The following COX10 variants were observed in gnomAD, a reference collection of about 807,000 sequenced individuals.
COX10 encodes protoheme IX farnesyltransferase, mitochondrial.
A neutral mutation model predicts 37.3 loss-of-function variants in COX10; 27 were observed. That is an observed-to-expected ratio of 0.72 (90% CI 0.53 to 1.00). The LOEUF is 1.00. Ranked by LOEUF, COX10 falls within the 50% of genes least tolerant of loss-of-function variation. The pLI, the probability that COX10 is intolerant of heterozygous loss-of-function variation, is 0.00. For synonymous variants in COX10, 222 were observed against 229.1 expected (o/e 0.97, Z 0.28); for missense variants, 475 against 563.2 (o/e 0.84, Z 1.59).
chr17:14,169,532 T>TG (rs1228741947), intron 5 of COX10, among the ~76,000 whole-genome samples: 1 of 152,200 alleles, frequency 6.6e-6, no homozygotes, highest in African/African-American at 2.4e-5. Flanking sequence ...TGTAAAGAAC[T>TG]ACCTAAGACT....
At chr17:14,126,616 C>T (rs893275738) in intron 4 of COX10, among the ~76,000 whole-genome samples, 1 of 152,044 alleles carries the variant, frequency 6.6e-6, no homozygotes, top group Admixed American at 6.6e-5. Context: ...TGACAGTGGT[C>T]ACAGTTTTGT....
intron 3 of COX10, among the ~76,000 whole-genome samples, chr17:14,092,128 T>G (rs578137488): frequency 6.6e-6 from 1 of 152,258 alleles, no homozygotes; most frequent in East Asian, 1.9e-4. Context: ...AAAGCGATAA[T>G]TGAAAGAACA....
Position 14,171,376 on chromosome 17 carries a change from A to G in COX10, c.695+11429A>G, listed in dbSNP as rs369854827. 8.5e-5 allele frequency among the ~76,000 whole-genome samples: 13 copies of G among 152,312 alleles called. No individual in the cohort carries two copies. The East Asian group carries it at 1.9e-3, about 23-fold the overall frequency. ...CAACAAATGTGTTTTTTTAGTGCAC[A>G]TGCCAGCCAGGCATGGTGCTCGACC... On this transcript the variant is annotated intron_variant, in intron 5 of 6. Transcript: ENST00000261643.
At chr17:14,187,734 C>G (rs12325683) in intron 5 of COX10, among the ~76,000 whole-genome samples, 100 of 152,190 alleles carry the variant, frequency 6.6e-4, no homozygotes, top group African/African-American at 2.4e-3. Context: ...GCCCATAACA[C>G]AAGAAAGCTC....
rs1245460634 is a variant in COX10, at chr17:14,203,367, G to C, written c.929-3443G>C. Reference sequence around the variant, plus strand: ...CCTCCCATACTGGAAGACTGAAAAGGGGTTGACTGACTTATGGAAGCCACA... The same window carrying C: ...CCTCCCATACTGGAAGACTGAAAAGCGGTTGACTGACTTATGGAAGCCACA... On this transcript the variant is annotated intron_variant, in intron 6 of 6. Transcript: ENST00000261643. Among the ~76,000 whole-genome samples the C allele has an allele frequency of 2.6e-5, 4 of 152,088 alleles. No individual in the cohort carries two copies. In the East Asian group the frequency reaches 5.8e-4, roughly 22 times the overall value.
chr17:14,198,802 C>G (rs1354026844), intron 6 of COX10, among the ~76,000 whole-genome samples: 2 of 152,122 alleles, frequency 1.3e-5, no homozygotes, highest in Non-Finnish European at 2.9e-5. Context: ...TACTAAGTAC[C>G]AGGTACTGTT....
At chr17:14,169,860 T>C (rs902312887) in intron 5 of COX10, among the ~76,000 whole-genome samples, 9 of 152,158 alleles carry the variant, frequency 5.9e-5, no homozygotes, top group African/African-American at 2.2e-4. Context: ...TAGGGTCTAG[T>C]GGGAGGTGTT....
In COX10 at chr17:14,189,056, T is replaced by G. The variant is rs1597543755; in HGVS notation, c.696-2933T>G. On this transcript the variant is annotated intron_variant, in intron 5 of 6. Transcript: ENST00000261643. The stretch of plus-strand genomic sequence containing the variant: ...TGTAGTGGTAAAGCCATGTTTCACC[T>G]CCTGTTATATATTCATTTTCTTCTT... Among the ~76,000 whole-genome samples the G allele has an allele frequency of 3.4e-5, 5 of 145,592 alleles. No individual in the cohort carries two copies. The Admixed American group carries it at 3.6e-4, about 10-fold the overall frequency.
intron 1 of COX10, among the ~76,000 whole-genome samples, chr17:14,071,530 G>A (rs1291895401): frequency 1.1e-4 from 17 of 152,060 alleles, no homozygotes; most frequent in Admixed American, 1.0e-3. Context: ...GTTAGTGATC[G>A]AGTAGTATCA....
chr17:14,189,212 G>A (rs1906128356), intron 5 of COX10, among the ~76,000 whole-genome samples: 1 of 151,076 alleles, frequency 6.6e-6, no homozygotes, highest in South Asian at 2.1e-4. Flanking sequence ...TGGAAAGTTA[G>A]CTCAACTTTA....
intron 3 of COX10, among the ~76,000 whole-genome samples, chr17:14,090,003 T>C (rs1011943332): frequency 2.6e-5 from 4 of 152,176 alleles, no homozygotes; most frequent in African/African-American, 9.6e-5. Flanking sequence ...ACCTAGTCTA[T>C]CTGAATTCTT....
intron 6 of COX10, among the ~76,000 whole-genome samples, chr17:14,194,219 C>A (rs1442488345): frequency 6.6e-6 from 1 of 151,992 alleles, no homozygotes; most frequent in Non-Finnish European, 1.5e-5. Flanking sequence ...GGCCCAGGTT[C>A]TTGCTGAGGG....
chr17:14,087,010 T>C (rs1220671906), intron 3 of COX10, among the ~76,000 whole-genome samples: 1 of 152,242 alleles, frequency 6.6e-6, no homozygotes, highest in African/African-American at 2.4e-5. Flanking sequence ...TTTTGTTTCT[T>C]GTACTACTTT....
chr17:14,084,084 G>A (rs911799739), intron 3 of COX10, among the ~76,000 whole-genome samples: 8 of 152,056 alleles, frequency 5.3e-5, no homozygotes, highest in Non-Finnish European at 1.2e-4. Context: ...TTTATTAAAA[G>A]AAAAAAGCAG....
At chr17:14,110,688 G>A (rs940321520) in intron 4 of COX10, among the ~76,000 whole-genome samples, 2 of 151,656 alleles carry the variant, frequency 1.3e-5, no homozygotes, top group African/African-American at 4.8e-5. Flanking sequence ...AATCCCATTA[G>A]CCTCCTAGTT....
chr17:14,085,850 A>T (rs1358857100), intron 3 of COX10, among the ~76,000 whole-genome samples: 1 of 152,220 alleles, frequency 6.6e-6, no homozygotes, highest in Admixed American at 6.5e-5. Flanking sequence ...CCATATCTTC[A>T]CCAATGAATG....
rs1488186898 is a variant in COX10 at position 14,069,515 on chromosome 17, A to C, written c.-91A>C. 6.0e-6 allele frequency: 9 copies of C among 1,506,464 alleles called. No homozygotes were observed. Among genetic ancestry groups the C allele is most frequent in the Non-Finnish European group, 8.2e-6 (9 of 1,091,304 alleles). 93.3% of individuals were successfully genotyped at this position (1,506,464 alleles called of 1,614,324 possible). A position where few individuals can be genotyped will look rare whatever the true frequency, so the allele number is the denominator to read the frequency against. On this transcript the variant is annotated 5_prime_UTR_variant, in exon 1 of 7. Coordinates refer to ENST00000261643, the MANE Select transcript of COX10 (RefSeq NM_001303.4). ...AGTGGCGGCCCGGAACTACTCCCAC[A>C]GGGGGGCGGGGAAGGAAGATGGCGG...
At chr17:14,188,898 A>C (rs1036659727) in intron 5 of COX10, among the ~76,000 whole-genome samples, 7 of 145,516 alleles carry the variant, frequency 4.8e-5, no homozygotes, top group African/African-American at 1.8e-4. Flanking sequence ...CTGGAAAGGA[A>C]TCAAGCAAAA....
At chr17:14,110,650 GCCATT>G (rs1163114569) in intron 4 of COX10, among the ~76,000 whole-genome samples, 1 of 151,692 alleles carries the variant, frequency 6.6e-6, no homozygotes, top group African/African-American at 2.4e-5. Context: ...GTTATATTTT[GCCATT>G]CCTGATGGTT....
Sources: gnomAD v4.1 joint callset for allele counts (sites outside exome capture counted in the v4.1 genomes callset) on GRCh38, gnomAD v4.1.1 for gene constraint, MANE v1.5 for transcripts, NCBI Gene and HGNC (gene_info 2026-07-23, HGNC 2026-07-21) for gene names.